The following MMP16 variants were observed in gnomAD, a reference collection of about 807,000 sequenced individuals.
MMP16 encodes matrix metalloproteinase-16.
Under a neutral mutation model 67.8 loss-of-function variants are expected in MMP16, and 12 were observed. That is an observed-to-expected ratio of 0.18 (90% CI 0.11 to 0.29). The LOEUF (loss-of-function observed/expected upper bound fraction) is 0.29. MMP16 is among the 10% of genes least tolerant of loss of function. The probability of loss-of-function intolerance (pLI) is 1.00; values close to 1 mark genes in which losing one functional copy is unlikely to be tolerated. For synonymous variants in MMP16, 249 were observed against 255.9 expected, an observed-to-expected ratio of 0.97 and a Z score of 0.26; for missense variants, 475 against 765.7, an observed-to-expected ratio of 0.62 and a Z score of 4.48.
chr8:88,139,546 GTATT>G (rs1563543351), intron 4 of MMP16, among the ~76,000 whole-genome samples: 1 of 152,056 alleles, frequency 6.6e-6, no homozygotes, highest in African/African-American at 2.4e-5. Context: ...CACAGTCTAC[GTATT>G]TATTGACTTT....
At chr8:88,269,553 C>CA (rs1457080641) in intron 1 of MMP16, among the ~76,000 whole-genome samples, 1 of 152,174 alleles carries the variant, frequency 6.6e-6, no homozygotes, top group Non-Finnish European at 1.5e-5. Flanking sequence ...GAGACTAGAA[C>CA]TGATGGCTAG....
Position 88,050,861 on chromosome 8 carries a change from A to G in MMP16, c.1374-4077T>C, listed in dbSNP as rs959768875. 2.6e-5 allele frequency among the ~76,000 whole-genome samples: 4 copies of G among 152,272 alleles called. No individual in the cohort carries two copies. In the South Asian group the frequency reaches 8.3e-4, roughly 32 times the overall value. ...CCCACTGATGCTTTTCTGTGCACCT[A>G]TATTATATGCCAGACTCATAGGATT... On this transcript the variant is annotated intron_variant, in intron 8 of 9. Transcript: ENST00000286614.
chr8:88,044,892 G>A (rs746655209), intron 9 of MMP16, among the ~76,000 whole-genome samples: 4 of 152,140 alleles, frequency 2.6e-5, no homozygotes, highest in Non-Finnish European at 5.9e-5. Context: ...CTTCTTAGCT[G>A]TATAGCTTCT....
chr8:88,221,893 A>G (rs1352605035), intron 1 of MMP16, among the ~76,000 whole-genome samples: 2 of 152,150 alleles, frequency 1.3e-5, no homozygotes, highest in Non-Finnish European at 2.9e-5. Context: ...CTGATTTCAG[A>G]TAAATACAAA....
intron 7 of MMP16, chr8:88,069,170 AT>A: frequency 3.7e-6 from 1 of 268,322 alleles, no homozygotes; most frequent in South Asian, 3.5e-5. Context: ...CATTGTAATA[AT>A]ACTGAACCCT....
At chr8:88,221,966 C>T (rs544378817) in intron 1 of MMP16, among the ~76,000 whole-genome samples, 38 of 152,136 alleles carry the variant, frequency 2.5e-4, no homozygotes, top group African/African-American at 8.4e-4. Context: ...TATTACAAAA[C>T]ATCTGTCTTT....
intron 6 of MMP16, among the ~76,000 whole-genome samples, chr8:88,093,492 T>A (rs2118352783): frequency 6.6e-6 from 1 of 151,922 alleles, no homozygotes; most frequent in Admixed American, 6.6e-5. Context: ...TAGATCTTGA[T>A]ACACAGTGAC....
intron 1 of MMP16, among the ~76,000 whole-genome samples, chr8:88,251,467 C>T (rs1810220739): frequency 6.9e-6 from 1 of 144,286 alleles, no homozygotes; most frequent in South Asian, 2.2e-4. Context: ...TGGATCCCTT[C>T]CTTACACCTT....
intron 3 of MMP16, among the ~76,000 whole-genome samples, chr8:88,176,293 T>A (rs1201137169): frequency 6.6e-6 from 1 of 152,228 alleles, no homozygotes; most frequent in Non-Finnish European, 1.5e-5. Context: ...GAGGCCATTG[T>A]CAGGACAGTA....
At chr8:88,233,551 C>T (rs1396695374) in intron 1 of MMP16, among the ~76,000 whole-genome samples, 1 of 152,184 alleles carries the variant, frequency 6.6e-6, no homozygotes, top group Non-Finnish European at 1.5e-5. Context: ...TGATGCAAGT[C>T]TGATTCCACT....
chr8:88,324,455 T>C (rs527787719), intron 1 of MMP16, among the ~76,000 whole-genome samples: 2 of 152,218 alleles, frequency 1.3e-5, no homozygotes, highest in Non-Finnish European at 2.9e-5. Flanking sequence ...GGACCACAAA[T>C]TGTTAAGTTT....
chr8:88,114,706 A>T (rs1474559370), intron 6 of MMP16, among the ~76,000 whole-genome samples: 2 of 152,112 alleles, frequency 1.3e-5, no homozygotes, highest in South Asian at 4.1e-4. Flanking sequence ...AGAAAGCAAT[A>T]ATTCTTGGAA....
chr8:88,183,252 T>C (rs955240466), intron 3 of MMP16, among the ~76,000 whole-genome samples: 1 of 152,188 alleles, frequency 6.6e-6, no homozygotes, highest in Non-Finnish European at 1.5e-5. Flanking sequence ...TAATCTACTA[T>C]GCTAATGCAA....
intron 4 of MMP16, among the ~76,000 whole-genome samples, chr8:88,124,036 T>C (rs1807885574): frequency 6.6e-6 from 1 of 152,048 alleles, no homozygotes; most frequent in Non-Finnish European, 1.5e-5. Context: ...GAAAAATGTT[T>C]ATTGCAATCA....
chr8:88,157,259 T>G (rs1217423111), intron 4 of MMP16, among the ~76,000 whole-genome samples: 2 of 152,074 alleles, frequency 1.3e-5, no homozygotes, highest in African/African-American at 2.4e-5. Context: ...CTCTAAAAAA[T>G]TACAGTATAA....
At chr8:88,294,550 A>G (rs970895616) in intron 1 of MMP16, among the ~76,000 whole-genome samples, 10 of 151,714 alleles carry the variant, frequency 6.6e-5, no homozygotes, top group African/African-American at 2.4e-4. Context: ...ATATATGTAT[A>G]TATGTCTCTA....
rs1287988033 is a variant in MMP16 at position 88,105,421 on chromosome 8, A to G, written c.1083+11086T>C. 1.7e-4 allele frequency among the ~76,000 whole-genome samples: 26 copies of G among 151,504 alleles called. 1 individual carries two copies. The Admixed American group carries it at 1.7e-3, about 10-fold the overall frequency. On this transcript the variant is annotated intron_variant, in intron 6 of 9. Coordinates refer to ENST00000286614, the MANE Select transcript of MMP16 (RefSeq NM_005941.5). ...ATTGCTGTAGTTTAAATTCAAAATC[A>G]CCTTTAAAATTGGACTCATTTGCTA... is the stretch of plus-strand genomic sequence containing the variant.
intron 6 of MMP16, among the ~76,000 whole-genome samples, chr8:88,096,377 A>C (rs2118361674): frequency 6.6e-6 from 1 of 152,050 alleles, no homozygotes; most frequent in Non-Finnish European, 1.5e-5. Context: ...AAACTTAAAA[A>C]GTCTTACTTG....
In MMP16 at chr8:88,041,987, G is replaced by A. The variant is rs1808139534; in HGVS notation, c.1490-192C>T. 6.6e-6 allele frequency among the ~76,000 whole-genome samples: 1 copy of A among 152,124 alleles called. No homozygotes were observed. On this transcript the variant is annotated intron_variant, in intron 9 of 9. Coordinates refer to ENST00000286614, the MANE Select transcript of MMP16 (RefSeq NM_005941.5). This position sits in a 1 kb window ranked among gnomAD's most constrained non-coding sequence, Gnocchi z 6.0. ...GTGGCTGCTGTGCTCCAGGAATGATGCCATCTAATGCCTATGGAAAGCTCA... is the reference window on the plus strand; with the variant it reads ...GTGGCTGCTGTGCTCCAGGAATGATACCATCTAATGCCTATGGAAAGCTCA...
Sources: allele counts gnomAD v4.1 joint callset (sites outside exome capture counted in the v4.1 genomes callset), GRCh38; gene constraint gnomAD v4.1.1; non-coding constraint Gnocchi (gnomAD v3.1); transcripts MANE v1.5; gene names NCBI Gene and HGNC (gene_info 2026-07-23, HGNC 2026-07-21).